The following ABCC4 variants were observed in gnomAD, a reference collection of about 807,000 sequenced individuals.
ABCC4 encodes the protein ATP-binding cassette sub-family C member 4.
ABCC4 carries 102 observed loss-of-function variants against 168.5 expected under a neutral mutation model. That is an observed-to-expected ratio of 0.61 (90% CI 0.52 to 0.71). The LOEUF (loss-of-function observed/expected upper bound fraction) is 0.71, where lower values mean the gene tolerates loss of function less well. Ranked by LOEUF, ABCC4 falls within the 30% of genes least tolerant of loss-of-function variation. The pLI is 0.00. For synonymous variants in ABCC4, 617 were observed against 590.7 expected (o/e 1.04, Z -0.65); for missense variants, 1,402 against 1,605.8 (o/e 0.87, Z 2.17).
chr13:95,125,912 A>G (rs1564355), intron 19 of ABCC4, among the ~76,000 whole-genome samples: 74,174 of 151,998 alleles, frequency 0.49, 18,789 homozygotes, highest in South Asian at 0.69. Context: ...TAGCATCCAG[A>G]AGGTACAGAT....
chr13:95,027,732 T>C (rs940471854), intron 30 of ABCC4, among the ~76,000 whole-genome samples: 1 of 152,014 alleles, frequency 6.6e-6, no homozygotes, highest in East Asian at 1.9e-4. Context: ...AAGGAACACA[T>C]GCAAAACAAT....
intron 21 of ABCC4, 75 bp downstream of exon 21, chr13:95,083,065 A>AG (rs1221446868): frequency 2.6e-6 from 4 of 1,511,824 alleles, no homozygotes; most frequent in Middle Eastern, 1.8e-4. Context: ...GCCGAATTTC[A>AG]GGGGGTCTCT....
At position 95,136,430 on chromosome 13, in the gene ABCC4, C is replaced by T. The variant is rs576255394; in HGVS notation, c.2456-20429G>A. On this transcript the variant is annotated intron_variant, in intron 19 of 30. Transcript: ENST00000645237. ...TTGGCCTCCCAAAGTGCTAAGATTA[C>T]AGGCGTGAGCCACCGTACCCGGCCA... Among the ~76,000 whole-genome samples, 11 of 152,322 alleles carry T rather than the reference C, an allele frequency of 7.2e-5. No homozygotes were observed. The South Asian group carries it at 2.1e-3, about 29-fold the overall frequency.
At position 95,021,535 on chromosome 13, in the gene ABCC4, G is replaced by A; in HGVS notation, c.*40C>T. The A allele has an allele frequency of 6.9e-7, 1 of 1,456,158 alleles. No individual in the cohort carries two copies. The highest frequency in any genetic ancestry group is 9.6e-7 in the Non-Finnish European group (1 of 1,040,484). 90.2% of individuals were successfully genotyped at this position (1,456,158 alleles called of 1,614,324 possible). On this transcript the variant is annotated 3_prime_UTR_variant, in exon 31 of 31. Transcript: ENST00000645237. ...TGGTTTACATAGTCCAAAAACTAGT[G>A]GAAAATGCCTTCGGAACGGACTTGA...
intron 8 of ABCC4, among the ~76,000 whole-genome samples, chr13:95,204,590 C>T (rs1218024699): frequency 6.6e-6 from 1 of 152,192 alleles, no homozygotes; most frequent in Admixed American, 6.5e-5. Flanking sequence ...CTGTGAGTTT[C>T]CTGAGGTCTC....
chr13:95,207,670 A>C, intron 7 of ABCC4, 130 bp downstream of exon 7: 1 of 911,452 alleles, frequency 1.1e-6, no homozygotes, highest in Non-Finnish European at 1.6e-6. Flanking sequence ...CCAACTGCCA[A>C]GCGTGGGGAC....
chr13:95,299,663 G>A (rs1360932094), intron 1 of ABCC4, among the ~76,000 whole-genome samples: 1 of 151,870 alleles, frequency 6.6e-6, no homozygotes, highest in East Asian at 1.9e-4. Flanking sequence ...TGTGGCCCAG[G>A]GAACCCAAAA....
chr13:95,293,797 T>TC (rs1410999489), intron 1 of ABCC4, among the ~76,000 whole-genome samples: 2 of 151,006 alleles, frequency 1.3e-5, no homozygotes, highest in Non-Finnish European at 3.0e-5. Flanking sequence ...TTTTTTTTTT[T>TC]TGAGACAGAG....
At chr13:95,116,127 A>C in intron 19 of ABCC4, 126 bp from the exon 20 acceptor site, 2 of 600,980 alleles carry the variant, frequency 3.3e-6, no homozygotes, top group South Asian at 7.3e-5. Flanking sequence ...CATATGAAAT[A>C]AGCCGATGTC....
At chr13:95,139,012 T>A (rs996573566) in intron 19 of ABCC4, among the ~76,000 whole-genome samples, 1 of 152,178 alleles carries the variant, frequency 6.6e-6, no homozygotes, top group Non-Finnish European at 1.5e-5. Context: ...GCTTGTCTCC[T>A]GTACTCCCGT....
intron 21 of ABCC4, among the ~76,000 whole-genome samples, chr13:95,077,135 C>T (rs2033933067): frequency 6.6e-6 from 1 of 152,168 alleles, no homozygotes. Context: ...CTGAGAGTTT[C>T]AATTGTCTAC....
rs576051227 is a variant in ABCC4, at chr13:95,157,872, C to T, written c.2455+3317G>A. On this transcript the variant is annotated intron_variant, in intron 19 of 30. Coordinates refer to ENST00000645237, the MANE Select transcript of ABCC4 (RefSeq NM_005845.5). ...AGATCACGAGGTCAGGAGATCGAGA[C>T]CATCCTGGCCAACACGGTGAAACCC... is the stretch of plus-strand genomic sequence containing the variant. Among the ~76,000 whole-genome samples the T allele has an allele frequency of 9.2e-5, 14 of 152,048 alleles. No homozygotes were observed. In the East Asian group the frequency reaches 2.5e-3, roughly 27 times the overall value.
At chr13:95,031,809 T>C (rs1414758229) in intron 30 of ABCC4, among the ~76,000 whole-genome samples, 3 of 152,212 alleles carry the variant, frequency 2.0e-5, no homozygotes, top group African/African-American at 4.8e-5. Flanking sequence ...AAAACAAAGG[T>C]GAACTATATT....
chr13:95,053,166 C>T lies in ABCC4; in HGVS notation c.3385G>A (p.Gly1129Arg), dbSNP rs1355973152. 6.2e-7 allele frequency: 1 copy of T among 1,614,072 alleles called. No individual in the cohort carries two copies. The highest frequency in any genetic ancestry group is 1.7e-5 in the Admixed American group (1 of 60,022). ...GGATCCAGGTTTTTCCTCATTGTTC[C>T]AGTGAACAAAACAGGTTCCTAAGTG... is the stretch of plus-strand genomic sequence containing the variant. The part of the protein sequence containing the change: ...IIPQEPVLFT[G>R]TMRKNLDPFN... Residue 1129 changes from glycine to arginine, a missense_variant, in exon 27 of 31, where the codon GGA becomes AGA. Coordinates refer to ENST00000645237, the MANE Select transcript of ABCC4 (RefSeq NM_005845.5).
chr13:95,263,643 T>G (rs1423638504), intron 1 of ABCC4, among the ~76,000 whole-genome samples: 1 of 151,980 alleles, frequency 6.6e-6, no homozygotes, highest in African/African-American at 2.4e-5. Context: ...GCCAACATGG[T>G]GAAACCCCGT....
intron 30 of ABCC4, among the ~76,000 whole-genome samples, chr13:95,028,456 AG>A (rs2031653489): frequency 6.6e-6 from 1 of 152,206 alleles, no homozygotes; most frequent in Non-Finnish European, 1.5e-5. Flanking sequence ...AGAAATGAAC[AG>A]AAAAAACAAA....
chr13:95,158,816 T>A (rs1416876529), intron 19 of ABCC4, among the ~76,000 whole-genome samples: 1 of 152,108 alleles, frequency 6.6e-6, no homozygotes, highest in East Asian at 1.9e-4. Context: ...ATGCCTGTAA[T>A]CCCAGCACTT....
At chr13:95,022,726 C>T (rs1566348805) in intron 30 of ABCC4, among the ~76,000 whole-genome samples, 1 of 152,144 alleles carries the variant, frequency 6.6e-6, no homozygotes. Flanking sequence ...AAACCTTGCT[C>T]TGAATATATT....
chr13:95,285,485 G>A (rs1321777670), intron 1 of ABCC4, among the ~76,000 whole-genome samples: 1 of 152,046 alleles, frequency 6.6e-6, no homozygotes, highest in Non-Finnish European at 1.5e-5. Flanking sequence ...AGGAGGCAGA[G>A]GTTGCAGTGA....
Sources: gnomAD v4.1 joint callset for allele counts (sites outside exome capture counted in the v4.1 genomes callset) on GRCh38, gnomAD v4.1.1 for gene constraint, MANE v1.5 for transcripts, NCBI Gene and HGNC (gene_info 2026-07-23, HGNC 2026-07-21) for gene names.